Variants in DENND6A observed in about 807,000 individuals in gnomAD.
DENND6A encodes protein DENND6A.
DENND6A carries 43 observed loss-of-function variants against 95.5 expected under a neutral mutation model. That is an observed-to-expected ratio of 0.45 (90% CI 0.35 to 0.58). DENND6A has a LOEUF of 0.58. Ranked by LOEUF, DENND6A falls within the 20% of genes least tolerant of loss-of-function variation. The pLI is 0.00. For synonymous variants in DENND6A, 257 were observed against 260.4 expected, an observed-to-expected ratio of 0.99 and a Z score of 0.13; for missense variants, 574 against 736.0, an observed-to-expected ratio of 0.78 and a Z score of 2.55.
At chr3:57,660,342 C>T (rs1007747250) in intron 7 of DENND6A, among the ~76,000 whole-genome samples, 7 of 151,870 alleles carry the variant, frequency 4.6e-5, no homozygotes, top group East Asian at 1.9e-4. Context: ...CACCATGCCC[C>T]GTTAATTTTT....
chr3:57,672,213 T>C (rs1226294785), intron 3 of DENND6A, 43 bp downstream of exon 3: 3 of 1,529,926 alleles, frequency 2.0e-6, no homozygotes, highest in Non-Finnish European at 2.7e-6. Context: ...ACCAGTATTC[T>C]TAGTATAAAA....
intron 1 of DENND6A, among the ~76,000 whole-genome samples, chr3:57,683,897 G>A (rs925953777): frequency 6.6e-6 from 1 of 152,120 alleles, no homozygotes; most frequent in African/African-American, 2.4e-5. Flanking sequence ...GCTCATGCCT[G>A]TAATTTCAGC....
intron 9 of DENND6A, among the ~76,000 whole-genome samples, chr3:57,656,442 G>C (rs1247349410): frequency 6.6e-6 from 1 of 151,838 alleles, no homozygotes; most frequent in Non-Finnish European, 1.5e-5. Flanking sequence ...TGGATACTTC[G>C]GTTGTGTATA....
chr3:57,662,283 T>C (rs1009961660), intron 5 of DENND6A, among the ~76,000 whole-genome samples: 4 of 139,556 alleles, frequency 2.9e-5, no homozygotes, highest in African/African-American at 1.0e-4. Flanking sequence ...CTCAACCTCA[T>C]GGGCTCAGGT....
intron 9 of DENND6A, among the ~76,000 whole-genome samples, chr3:57,652,201 C>G (rs905134429): frequency 6.6e-6 from 1 of 152,180 alleles, no homozygotes; most frequent in African/African-American, 2.4e-5. Flanking sequence ...CAATGTACAA[C>G]TTTGAAGGCT....
chr3:57,684,844 C>A (rs9866534), intron 1 of DENND6A, among the ~76,000 whole-genome samples: 1 of 152,058 alleles, frequency 6.6e-6, no homozygotes, highest in Non-Finnish European at 1.5e-5. Flanking sequence ...TGGCTCATGC[C>A]TGGGATCTCA....
intron 11 of DENND6A, 93 bp from the exon 12 acceptor site, chr3:57,641,840 A>G (rs2070947995): frequency 7.9e-6 from 8 of 1,013,460 alleles, no homozygotes; most frequent in Non-Finnish European, 1.2e-5. Context: ...TTCAATGAAC[A>G]ATACACAGAT....
chr3:57,684,921 C>T (rs1031523529), intron 1 of DENND6A, among the ~76,000 whole-genome samples: 1 of 151,856 alleles, frequency 6.6e-6, no homozygotes, highest in South Asian at 2.1e-4. Flanking sequence ...CTGGGCAACA[C>T]AAAAATAAAA....
chr3:57,661,344 C>A (rs1559820632), intron 6 of DENND6A, 102 bp downstream of exon 6: 1 of 916,664 alleles, frequency 1.1e-6, no homozygotes, highest in East Asian at 3.1e-5. Flanking sequence ...CCTTAAGTTC[C>A]TACCTGAATT....
chr3:57,633,861 A>C (rs1247097892), intron 14 of DENND6A, among the ~76,000 whole-genome samples: 1 of 152,048 alleles, frequency 6.6e-6, no homozygotes, highest in Non-Finnish European at 1.5e-5. Flanking sequence ...ATTGCACTCC[A>C]GCCTGGGCAA....
chr3:57,646,463 T>A, intron 9 of DENND6A, 25 bp from the exon 10 acceptor site: 1 of 1,586,318 alleles, frequency 6.3e-7, no homozygotes, highest in Non-Finnish European at 8.6e-7. Context: ...ACAGTAGAAA[T>A]ACTTTTTAAT....
intron 12 of DENND6A, among the ~76,000 whole-genome samples, chr3:57,641,319 AAT>A (rs2070930176): frequency 6.9e-6 from 1 of 144,174 alleles, no homozygotes; most frequent in African/African-American, 2.5e-5. Context: ...ATTTATATTC[AAT>A]ATATTATATT....
intron 12 of DENND6A, among the ~76,000 whole-genome samples, chr3:57,641,193 T>C (rs1185046480): frequency 5.5e-5 from 8 of 144,986 alleles, no homozygotes; most frequent in Admixed American, 1.4e-4. Context: ...TATATTTATA[T>C]ATATTTAAAT....
intron 1 of DENND6A, among the ~76,000 whole-genome samples, chr3:57,692,077 A>T (rs2077271462): frequency 6.6e-6 from 1 of 151,898 alleles, no homozygotes; most frequent in Non-Finnish European, 1.5e-5. Context: ...TTAAAAATAC[A>T]AAATTAGCCG....
chr3:57,666,173 G>T lies in DENND6A; in HGVS notation c.382C>A (p.Leu128Met), dbSNP rs748727336. 1 of 1,613,880 alleles carries T rather than the reference G, an allele frequency of 6.2e-7. No individual in the cohort carries two copies. The highest frequency in any genetic ancestry group is 2.2e-5 in the East Asian group (1 of 44,856). Residue 128 changes from leucine to methionine, a missense_variant, in exon 4 of 20, where the codon CTG becomes ATG. Coordinates refer to ENST00000311128, the MANE Select transcript of DENND6A (RefSeq NM_152678.3). ...FRQSSGRRVS[L>M]HCLLDQFDKD... The stretch of plus-strand genomic sequence containing the variant: ...TCAAATTGATCCAGGAGACAATGCA[G>T]CGACACCCTCCTCCCAGAAGACTGT...
At chr3:57,645,888 A>C in intron 10 of DENND6A, 132 bp from the exon 11 acceptor site, 1 of 640,032 alleles carries the variant, frequency 1.6e-6, no homozygotes, top group Non-Finnish European at 2.6e-6. Flanking sequence ...TGGTAAACTC[A>C]TTTCACAGAA....
Position 57,666,225 on chromosome 3 carries a change from T to G in DENND6A, c.330A>C (p.Gly110=), listed in dbSNP as rs773828672. The G allele has an allele frequency of 5.0e-6, 8 of 1,611,774 alleles. No homozygotes were observed. Among genetic ancestry groups the G allele is most frequent in the Non-Finnish European group, 6.8e-6 (8 of 1,178,502 alleles). The change falls in exon 4 of 20, where the codon GGA becomes GGC. Residue 110 remains glycine (G), a synonymous_variant. Coordinates refer to ENST00000311128, the MANE Select transcript of DENND6A (RefSeq NM_152678.3). The part of the protein sequence containing the change: ...SFPDSNSGCL[G]DTQFCFRFRQ... ...GAAATCTAAAACAAAACTGGGTATC[T>G]CCAAGACAACCTAATGAAAATAAAA...
At chr3:57,668,174 C>A (rs1021120010) in intron 3 of DENND6A, among the ~76,000 whole-genome samples, 2 of 152,034 alleles carry the variant, frequency 1.3e-5, no homozygotes, top group Non-Finnish European at 2.9e-5. Flanking sequence ...CCATAACTGA[C>A]TGGAAATATT....
At chr3:57,689,894 T>C (rs371667778) in intron 1 of DENND6A, among the ~76,000 whole-genome samples, 10 of 151,830 alleles carry the variant, frequency 6.6e-5, no homozygotes, top group Non-Finnish European at 1.2e-4. Context: ...CAAGACCCTG[T>C]CCCCACAAAA....
Sources: allele counts gnomAD v4.1 joint callset (sites outside exome capture counted in the v4.1 genomes callset), GRCh38; gene constraint gnomAD v4.1.1; transcripts MANE v1.5; gene names NCBI Gene and HGNC (gene_info 2026-07-23, HGNC 2026-07-21).